The following CLIC4 variants were observed in gnomAD, a reference collection of about 807,000 sequenced individuals.
The protein encoded by CLIC4 is CLIC family member 4, also known as chloride intracellular channel protein 4.
Under a neutral mutation model 24.6 loss-of-function variants are expected in CLIC4, and 13 were observed. That is an observed-to-expected ratio of 0.53 (90% confidence interval 0.34 to 0.84). The LOEUF (loss-of-function observed/expected upper bound fraction) is 0.84, where lower values mean the gene tolerates loss of function less well. CLIC4 is among the 40% of genes least tolerant of loss of function. The pLI, the probability that CLIC4 is intolerant of heterozygous loss-of-function variation, is 0.01. For missense variants in CLIC4, 227 were observed against 301.7 expected (o/e 0.75, Z 1.83); for synonymous variants, 104 against 111.3 (o/e 0.93, Z 0.41).
chr1:24,759,591 A>T (rs1457244426), intron 1 of CLIC4, among the ~76,000 whole-genome samples: 2 of 152,264 alleles, frequency 1.3e-5, no homozygotes, highest in South Asian at 4.1e-4. Flanking sequence ...TTTGTGTTGT[A>T]TTCTAACAGT....
At chr1:24,781,101 AAAAAG>A (rs1210269647) in intron 1 of CLIC4, among the ~76,000 whole-genome samples, 1 of 150,162 alleles carries the variant, frequency 6.7e-6, no homozygotes, top group Non-Finnish European at 1.5e-5. Flanking sequence ...AAAAAAAAAA[AAAAAG>A]AAAGAAATTG....
chr1:24,830,362 C>T (rs1423892077), intron 4 of CLIC4, among the ~76,000 whole-genome samples: 1 of 151,898 alleles, frequency 6.6e-6, no homozygotes, highest in Non-Finnish European at 1.5e-5. Context: ...AAATATAGAT[C>T]TACCTCAATT....
intron 1 of CLIC4, among the ~76,000 whole-genome samples, chr1:24,747,625 A>G (rs1048632149): frequency 3.3e-5 from 5 of 152,106 alleles, no homozygotes; most frequent in Admixed American, 6.6e-5. Context: ...GAGTTAAAAA[A>G]AATTTTTACT....
At chr1:24,828,694 T>TGGGGGGGGG (rs1557814753) in intron 4 of CLIC4, among the ~76,000 whole-genome samples, 1 of 87,204 alleles carries the variant, frequency 1.1e-5, no homozygotes, top group African/African-American at 3.8e-5. Flanking sequence ...TGGGGCGGGG[T>TGGGGGGGGG]GGGGGTGGGG....
At position 24,840,981 on chromosome 1, in the gene CLIC4, A is replaced by T; in HGVS notation, c.*44A>T. ...GATGTCTTCATGTCTTCCCCTAAGA[A>T]TACGCTTTTCCTAACAGGCTACTCC... is the stretch of plus-strand genomic sequence containing the variant. On this transcript the variant is annotated 3_prime_UTR_variant, in exon 6 of 6. Coordinates refer to ENST00000374379, the MANE Select transcript of CLIC4 (RefSeq NM_013943.3). 2 of 1,528,640 alleles carry T rather than the reference A, an allele frequency of 1.3e-6. No homozygotes were observed. Among genetic ancestry groups the T allele is most frequent in the African/African-American group, 2.8e-5 (2 of 72,124 alleles). The allele number at this position is 1,528,640 out of a possible 1,614,324, so 94.7% of individuals were successfully genotyped here.
Position 24,761,922 on chromosome 1 carries a change from G to A in CLIC4, c.72+16297G>A, listed in dbSNP as rs186625721. Among the ~76,000 whole-genome samples, 194 of 152,272 alleles carry A rather than the reference G, an allele frequency of 1.3e-3. 2 individuals carry two copies. Among genetic ancestry groups the A allele is most frequent in the Non-Finnish European group, 1.5e-4 (10 of 68,040 alleles). ...CCACTGGTCAAGAGTTGCCGTTCAT[G>A]GAGAGGGAGGAGGAGCAGACAGAGT... On this transcript the variant is annotated intron_variant, in intron 1 of 5. Transcript: ENST00000374379.
intron 4 of CLIC4, among the ~76,000 whole-genome samples, chr1:24,836,469 TA>T (rs34997412): frequency 0.24 from 37,215 of 152,106 alleles, 5,177 homozygotes; most frequent in Admixed American, 0.34. Context: ...AAAACAAAGC[TA>T]AAAATTTTTC....
intron 4 of CLIC4, among the ~76,000 whole-genome samples, chr1:24,839,524 C>T (rs1261651400): frequency 6.6e-6 from 1 of 152,184 alleles, no homozygotes; most frequent in Non-Finnish European, 1.5e-5. Context: ...TGGTCTCGAT[C>T]TCCTGACCTC....
rs191667657 is a variant in CLIC4, at chr1:24,778,444, T to C, written c.73-19298T>C. Among the ~76,000 whole-genome samples the C allele has an allele frequency of 2.8e-3, 426 of 152,352 alleles. 1 individual carries two copies. Among genetic ancestry groups the C allele is most frequent in the Non-Finnish European group, 4.8e-3 (329 of 68,036 alleles). ...TTGTTTCTGGACCATTTTGGTAACA[T>C]TTTGATTTATTGTAGTTGATACTTA... is the stretch of plus-strand genomic sequence containing the variant. On this transcript the variant is annotated intron_variant, in intron 1 of 5. Transcript: ENST00000374379.
chr1:24,797,495 C>A (rs1639417506), intron 1 of CLIC4, among the ~76,000 whole-genome samples: 1 of 144,782 alleles, frequency 6.9e-6, no homozygotes, highest in Non-Finnish European at 1.5e-5. Flanking sequence ...GTGAAGGTTG[C>A]AGTGAGCTGA....
chr1:24,839,340 C>T (rs2124178904), intron 4 of CLIC4, among the ~76,000 whole-genome samples: 1 of 152,314 alleles, frequency 6.6e-6, no homozygotes, highest in East Asian at 1.9e-4. Context: ...CGCTCTTTCG[C>T]CCAGGCTGGA....
chr1:24,796,893 A>C (rs1275910496), intron 1 of CLIC4, among the ~76,000 whole-genome samples: 1 of 152,062 alleles, frequency 6.6e-6, no homozygotes, highest in Non-Finnish European at 1.5e-5. Context: ...GCCATCATGC[A>C]TTAAATTCTC....
At position 24,781,886 on chromosome 1, in the gene CLIC4, G is replaced by A. The variant is rs544288932; in HGVS notation, c.73-15856G>A. On this transcript the variant is annotated intron_variant, in intron 1 of 5. Transcript: ENST00000374379. ...AGGCTGGTCTCAAACTCCTGACCTC[G>A]TGTTCCGCCCGCCTTGGCCTCCCAA... Among the ~76,000 whole-genome samples the A allele has an allele frequency of 5.3e-5, 8 of 152,130 alleles. No individual in the cohort carries two copies. In the East Asian group the frequency reaches 9.7e-4, roughly 18 times the overall value.
intron 1 of CLIC4, among the ~76,000 whole-genome samples, chr1:24,775,669 T>C (rs1639130154): frequency 6.6e-6 from 1 of 151,748 alleles, no homozygotes; most frequent in African/African-American, 2.4e-5. Context: ...AGAATTTACA[T>C]TTTTGTGTGT....
intron 2 of CLIC4, among the ~76,000 whole-genome samples, chr1:24,799,727 C>A (rs1207651811): frequency 7.3e-6 from 1 of 137,390 alleles, no homozygotes; most frequent in Non-Finnish European, 1.6e-5. Flanking sequence ...CCCGGCCAGC[C>A]GCCCCGTCCG....
intron 2 of CLIC4, among the ~76,000 whole-genome samples, chr1:24,812,661 G>A (rs1193988095): frequency 1.3e-5 from 2 of 151,778 alleles, no homozygotes; most frequent in Non-Finnish European, 2.9e-5. Context: ...TATGTATTTT[G>A]TGGAGGCTTG....
chr1:24,765,812 TTTC>T (rs1475834037), intron 1 of CLIC4, among the ~76,000 whole-genome samples: 13 of 86,186 alleles, frequency 1.5e-4, no homozygotes, highest in East Asian at 2.6e-4. Flanking sequence ...TCTTTCTTTC[TTTC>T]TTTTTTTTTT....
At chr1:24,807,786 TAAAA>T (rs910790046) in intron 2 of CLIC4, among the ~76,000 whole-genome samples, 1 of 152,002 alleles carries the variant, frequency 6.6e-6, no homozygotes, top group African/African-American at 2.4e-5. Flanking sequence ...ACCGTGTTCT[TAAAA>T]AAAACTGTTT....
intron 1 of CLIC4, among the ~76,000 whole-genome samples, chr1:24,768,484 G>A (rs773635983): frequency 3.9e-5 from 6 of 151,986 alleles, no homozygotes; most frequent in Non-Finnish European, 8.8e-5. Flanking sequence ...TTGAGATAGT[G>A]TAGATCTACA....
Sources: allele counts gnomAD v4.1 joint callset (sites outside exome capture counted in the v4.1 genomes callset), GRCh38; gene constraint gnomAD v4.1.1; transcripts MANE v1.5; gene names NCBI Gene and HGNC (gene_info 2026-07-23, HGNC 2026-07-21).